WNT7A: variants seen among roughly 807,000 people sequenced by gnomAD.
WNT7A encodes protein Wnt-7a.
Under a neutral mutation model 28.2 loss-of-function variants are expected in WNT7A, and 16 were observed. That is an observed-to-expected ratio of 0.57 (90% CI 0.38 to 0.86). The LOEUF (loss-of-function observed/expected upper bound fraction) is 0.86, where lower values mean the gene tolerates loss of function less well. Among genes scored for constraint, WNT7A ranks in the 40% least tolerant of loss-of-function variants. WNT7A has a pLI of 0.00. For missense variants in WNT7A, 411 were observed against 489.7 expected (o/e 0.84, Z 1.52); for synonymous variants, 190 against 195.9 (o/e 0.97, Z 0.25).
chr3:13,861,619 G>A, intron 2 of WNT7A, among the ~76,000 whole-genome samples: 1 of 152,218 alleles, frequency 6.6e-6, no homozygotes, highest in Non-Finnish European at 1.5e-5. Context: ...AAGGCATCAG[G>A]CCAAGGGGTA....
At chr3:13,868,258 C>T (rs1274992098) in intron 2 of WNT7A, among the ~76,000 whole-genome samples, 2 of 151,960 alleles carry the variant, frequency 1.3e-5, no homozygotes, top group East Asian at 3.9e-4. Context: ...CTTTGGGAGG[C>T]CAAGGCAGGA....
At chr3:13,878,140 G>A (rs1695137343) in intron 1 of WNT7A, among the ~76,000 whole-genome samples, 1 of 152,264 alleles carries the variant, frequency 6.6e-6, no homozygotes, top group Non-Finnish European at 1.5e-5. Flanking sequence ...CTCCCTGCCG[G>A]GCAGCTGGGC....
At chr3:13,847,913 AGT>A (rs1559300444) in intron 3 of WNT7A, among the ~76,000 whole-genome samples, 1 of 152,220 alleles carries the variant, frequency 6.6e-6, no homozygotes, top group Non-Finnish European at 1.5e-5. Context: ...CAACAGTGAG[AGT>A]GTGCTTGATG....
intron 2 of WNT7A, among the ~76,000 whole-genome samples, chr3:13,873,373 G>A (rs1018221075): frequency 7.2e-5 from 11 of 151,970 alleles, no homozygotes; most frequent in African/African-American, 2.7e-4. Context: ...CTGGTTGCTG[G>A]TTTGCACCTC....
intron 3 of WNT7A, among the ~76,000 whole-genome samples, chr3:13,842,106 G>A (rs536701948): frequency 7.9e-5 from 12 of 152,262 alleles, no homozygotes; most frequent in East Asian, 1.9e-4. Context: ...GTGAGCCACC[G>A]TGAAGGCTTC....
intron 2 of WNT7A, among the ~76,000 whole-genome samples, chr3:13,866,135 G>A (rs762392362): frequency 2.0e-5 from 3 of 152,198 alleles, no homozygotes; most frequent in Non-Finnish European, 2.9e-5. Flanking sequence ...AGGAGTTGGG[G>A]CAGGGGGCTG....
chr3:13,819,398 T>C lies in WNT7A; in HGVS notation c.596A>G (p.Glu199Gly). The C allele has an allele frequency of 1.2e-6, 2 of 1,613,630 alleles. No homozygotes were observed. The highest frequency in any genetic ancestry group is 1.3e-5 in the African/African-American group (1 of 75,046). Residue 199 changes from glutamate (E) to glycine (G), a missense_variant, in exon 4 of 4, where the codon GAA (glutamate) becomes GGA (glycine). Glu to Gly is a moderately conservative substitution (Grantham distance 98). Coordinates refer to ENST00000285018, the MANE Select transcript of WNT7A (RefSeq NM_004625.4). ...GCCTGACACGCCGTGGCACTTACATTCCAGCTTCATGTTCTCCTCCAGGAT... is the reference window on the plus strand; with the variant it reads ...GCCTGACACGCCGTGGCACTTACATCCCAGCTTCATGTTCTCCTCCAGGAT... ...RKILEENMKL[E>G]CKCHGVSGSC...
At chr3:13,839,486 A>G (rs1193021490) in intron 3 of WNT7A, among the ~76,000 whole-genome samples, 1 of 152,174 alleles carries the variant, frequency 6.6e-6, no homozygotes, top group East Asian at 1.9e-4. Context: ...CTCACCAGGA[A>G]GTGCACACAG....
In WNT7A at chr3:13,819,049, G is replaced by A. The variant is rs1694065718; in HGVS notation, c.945C>T (p.Thr315=). 4 of 1,613,644 alleles carry A rather than the reference G, an allele frequency of 2.5e-6. No homozygotes were observed. Among genetic ancestry groups the A allele is most frequent in the Non-Finnish European group, 2.5e-6 (3 of 1,179,692 alleles). Residue 315 remains threonine (T), a synonymous_variant, in exon 4 of 4, where the codon ACC becomes ACT. Transcript: ENST00000285018. Reference sequence around the variant, plus strand: ...ACTGCCACACGCGGGCGTACTGGTGGGTGTTGTAGCCACGCCCACAGCACA... The same window carrying A: ...ACTGCCACACGCGGGCGTACTGGTGAGTGTTGTAGCCACGCCCACAGCACA... ...DLMCCGRGYN[T]HQYARVWQCN...
At chr3:13,834,938 G>A (rs78969758) in intron 3 of WNT7A, among the ~76,000 whole-genome samples, 2,773 of 152,338 alleles carry the variant, frequency 0.018, 91 homozygotes, top group African/African-American at 0.062. Flanking sequence ...AACATAGCGG[G>A]TGCTCAGTAA....
intron 2 of WNT7A, among the ~76,000 whole-genome samples, chr3:13,859,470 T>G (rs753096951): frequency 6.6e-6 from 1 of 152,198 alleles, no homozygotes; most frequent in Non-Finnish European, 1.5e-5. Flanking sequence ...GCATTATAAT[T>G]ATAATAATTG....
intron 1 of WNT7A, chr3:13,877,060 T>C (rs755148961): frequency 6.6e-6 from 1 of 152,230 alleles, no homozygotes; most frequent in Admixed American, 6.5e-5. Flanking sequence ...AATAAATGGA[T>C]TGTGGCACTT....
chr3:13,865,318 C>G (rs1467785876), intron 2 of WNT7A, among the ~76,000 whole-genome samples: 1 of 152,142 alleles, frequency 6.6e-6, no homozygotes, highest in Admixed American at 6.5e-5. Context: ...CTTTTCTCCC[C>G]GGGGCAGCTG....
chr3:13,850,804 G>A lies in WNT7A; in HGVS notation c.570+3728C>T, dbSNP rs138981269. Among the ~76,000 whole-genome samples the A allele has an allele frequency of 6.6e-5, 10 of 152,152 alleles. No homozygotes were observed. The East Asian group carries it at 1.9e-3, about 29-fold the overall frequency. On this transcript the variant is annotated intron_variant, in intron 3 of 3. Coordinates refer to ENST00000285018, the MANE Select transcript of WNT7A (RefSeq NM_004625.4). ...CTCGGAGACCCCTGGCCCTTGGCTG[G>A]GTTTCGCAGCTGCCCAGGCTTCTCT...
At chr3:13,849,363 T>C (rs562736310) in intron 3 of WNT7A, among the ~76,000 whole-genome samples, 2 of 152,354 alleles carry the variant, frequency 1.3e-5, no homozygotes, top group South Asian at 4.1e-4. Context: ...TTTTTTAGTA[T>C]GTCTTGTGCA....
intron 2 of WNT7A, among the ~76,000 whole-genome samples, chr3:13,868,506 A>AAGAG (rs566629689): frequency 4.8e-4 from 69 of 143,960 alleles, no homozygotes; most frequent in African/African-American, 1.8e-3. Context: ...GAAAGAAAGA[A>AAGAG]AGAGAGAGAG....
At chr3:13,869,387 GAA>G (rs1452936544) in intron 2 of WNT7A, among the ~76,000 whole-genome samples, 216 of 142,914 alleles carry the variant, frequency 1.5e-3, no homozygotes, top group African/African-American at 5.4e-3. Context: ...GAAAGGGAGA[GAA>G]AGAAAGAGAG....
intron 3 of WNT7A, among the ~76,000 whole-genome samples, chr3:13,837,478 CG>C (rs1267207749): frequency 2.6e-5 from 4 of 151,984 alleles, no homozygotes; most frequent in Admixed American, 2.6e-4. Context: ...CTGCTGTATT[CG>C]GGAGCATCTA....
At chr3:13,855,380 T>C (rs562899695) in intron 2 of WNT7A, among the ~76,000 whole-genome samples, 7 of 152,340 alleles carry the variant, frequency 4.6e-5, no homozygotes, top group African/African-American at 7.2e-5. Context: ...AGAATGAGTT[T>C]GTCCATGGAA....
Sources: allele counts gnomAD v4.1 joint callset (sites outside exome capture counted in the v4.1 genomes callset), GRCh38; gene constraint gnomAD v4.1.1; transcripts MANE v1.5; gene names NCBI Gene and HGNC (gene_info 2026-07-23, HGNC 2026-07-21).